Variants in KLF10 observed in about 807,000 individuals in gnomAD.
KLF10 encodes the protein Krueppel-like factor 10.
A neutral mutation model predicts 31.6 loss-of-function variants in KLF10; 17 were observed. That is an observed-to-expected ratio of 0.54 (90% CI 0.37 to 0.81). KLF10 has a LOEUF of 0.81. KLF10 is among the 30% of genes least tolerant of loss of function. The probability of loss-of-function intolerance (pLI) is 0.00; values close to 1 mark genes in which losing one functional copy is unlikely to be tolerated. For synonymous variants in KLF10, 239 were observed against 215.1 expected (o/e 1.11, Z -0.97); for missense variants, 525 against 598.1 (o/e 0.88, Z 1.27).
rs762715494 is a variant in KLF10 at position 102,650,340 on chromosome 8, C to T, written c.1235G>A (p.Arg412His). 2 of 1,614,114 alleles carry T rather than the reference C, an allele frequency of 1.2e-6. No homozygotes were observed. Among genetic ancestry groups the T allele is most frequent in the Non-Finnish European group, 8.5e-7 (1 of 1,180,020 alleles). ...CCTGTGTCTGGACAGTTCATCAGAA[C>T]GGGCAAACCTCCTTTCACAACCTTT... ...SWKGCERRFA[R>H]SDELSRHRRT... Residue 412 changes from arginine (R) to histidine (H), a missense_variant, in exon 4 of 4, where the codon CGT becomes CAT. Physicochemically the swap from Arg to His is conservative, Grantham distance 29. Transcript: ENST00000285407.
At position 102,655,706 on chromosome 8, in the gene KLF10, C is replaced by T. The variant is rs1044607806; in HGVS notation, c.-105G>A. The T allele has an allele frequency of 7.5e-7, 1 of 1,337,438 alleles. No individual in the cohort carries two copies. Among genetic ancestry groups the T allele is most frequent in the African/African-American group, 1.4e-5 (1 of 69,166 alleles). 82.8% of individuals were successfully genotyped at this position (1,337,438 alleles called of 1,614,324 possible). On this transcript the variant is annotated 5_prime_UTR_variant, in exon 1 of 4. Transcript: ENST00000285407. The stretch of plus-strand genomic sequence containing the variant: ...ACACTCGACGCCGCTCCCGCCGCCG[C>T]CGCGCTCAGCGCCGTCTGCCCCCTC...
Position 102,652,409 on chromosome 8 carries a change from A to C in KLF10, c.37-12T>G. The C allele has an allele frequency of 2.7e-6, 4 of 1,502,834 alleles. No individual in the cohort carries two copies. Among genetic ancestry groups the C allele is most frequent in the Non-Finnish European group, 2.7e-6 (3 of 1,100,320 alleles). 93.1% of individuals were successfully genotyped at this position (1,502,834 alleles called of 1,614,324 possible). A position where few individuals can be genotyped will look rare whatever the true frequency, so the allele number is the denominator to read the frequency against. On this transcript the variant is annotated splice_polypyrimidine_tract_variant and intron_variant, in intron 1 of 3. Transcript: ENST00000285407. ...TCCATTCTTTCCTCCTATAAAAACA[A>C]AAGAGGAAAGCTTATAAGCATATTT...
chr8:102,651,295 G>A lies in KLF10; in HGVS notation c.1037C>T (p.Pro346Leu). 6.2e-7 allele frequency: 1 copy of A among 1,607,046 alleles called. No individual in the cohort carries two copies. Among genetic ancestry groups the A allele is most frequent in the Non-Finnish European group, 8.5e-7 (1 of 1,176,704 alleles). ...TGCTGAAGGGGAAAACCCAGGAGCA[G>A]GGGCAATGGGAGAGAGTCTGGTGCC... ...PNGTRLSPIA[P>L]APGFSPSAAK... Residue 346 changes from proline (P) to leucine (L), a missense_variant, in exon 3 of 4, where the codon CCT (proline) becomes CTT (leucine). Around this residue, in one of 3 missense-constraint regions of KLF10, gnomAD observed 434 missense variants for 450.7 expected, o/e 0.96. Coordinates refer to ENST00000285407, the MANE Select transcript of KLF10 (RefSeq NM_005655.4).
chr8:102,655,278 A>C (rs1827337047), intron 1 of KLF10, among the ~76,000 whole-genome samples: 3 of 142,500 alleles, frequency 2.1e-5, no homozygotes, highest in Admixed American at 6.9e-5. Context: ...CCTCCTCACC[A>C]GCCCTCTCGG....
chr8:102,655,438 T>A (rs1276911347), intron 1 of KLF10, 128 bp downstream of exon 1: 2 of 1,224,516 alleles, frequency 1.6e-6, no homozygotes, highest in East Asian at 4.7e-5. Context: ...GCCCTTTCCT[T>A]CCCCACGACT....
intron 1 of KLF10, among the ~76,000 whole-genome samples, chr8:102,655,255 C>A (rs1031795851): frequency 7.9e-5 from 12 of 152,134 alleles, no homozygotes; most frequent in African/African-American, 2.7e-4. Flanking sequence ...ACTCCTCCCC[C>A]GCTCGTCATC....
At position 102,650,344 on chromosome 8, in the gene KLF10, C is replaced by G. The variant is rs2131077614; in HGVS notation, c.1231G>C (p.Ala411Pro). Residue 411 changes from alanine (A) to proline (P), a missense_variant, in exon 4 of 4, where the codon GCC (alanine) becomes CCC (proline). Ala to Pro is a conservative substitution (Grantham distance 27). This residue lies in a region of KLF10 where 49 missense variants were observed against 105.0 expected (regional missense o/e 0.47). Coordinates refer to ENST00000285407, the MANE Select transcript of KLF10 (RefSeq NM_005655.4). ...TGTCTGGACAGTTCATCAGAACGGGCAAACCTCCTTTCACAACCTTTCCAG... is the reference window on the plus strand; with the variant it reads ...TGTCTGGACAGTTCATCAGAACGGGGAAACCTCCTTTCACAACCTTTCCAG... ...CSWKGCERRF[A>P]RSDELSRHRR... is the part of the protein sequence containing the mutation. 6.2e-7 allele frequency: 1 copy of G among 1,614,104 alleles called. No individual in the cohort carries two copies. The highest frequency in any genetic ancestry group is 8.5e-7 in the Non-Finnish European group (1 of 1,180,010).
In KLF10 at chr8:102,649,904, T is replaced by C; in HGVS notation, c.*228A>G. Reference sequence around the variant, plus strand: ...AAAAAATATTCAAAGGAATAAAAGCTTTCTCATCTCTCTTATGTGATAAGA... The same window carrying C: ...AAAAAATATTCAAAGGAATAAAAGCCTTCTCATCTCTCTTATGTGATAAGA... On this transcript the variant is annotated 3_prime_UTR_variant, in exon 4 of 4. Coordinates refer to ENST00000285407, the MANE Select transcript of KLF10 (RefSeq NM_005655.4). 3.5e-6 allele frequency: 2 copies of C among 570,738 alleles called. No individual in the cohort carries two copies. The highest frequency in any genetic ancestry group is 4.6e-5 in the South Asian group (2 of 43,018). The allele number at this position is 570,738 out of a possible 1,614,324, so 35.4% of individuals were successfully genotyped here.
At position 102,654,392 on chromosome 8, in the gene KLF10, C is replaced by G. The variant is rs1417252753; in HGVS notation, c.36+1174G>C. ...TTAGGAACCGACAGCGGGGCCGGGC[C>G]TCGCTCCCGCCCCTGGCGGAGGCCG... On this transcript the variant is annotated intron_variant, in intron 1 of 3. Coordinates refer to ENST00000285407, the MANE Select transcript of KLF10 (RefSeq NM_005655.4). The G allele has an allele frequency of 2.6e-5, 4 of 151,096 alleles. No homozygotes were observed. The East Asian group carries it at 5.9e-4, about 22-fold the overall frequency. 9.4% of individuals were successfully genotyped at this position (151,096 alleles called of 1,614,324 possible).
At chr8:102,654,018 G>A in intron 1 of KLF10, 6 of 982,012 alleles carry the variant, frequency 6.1e-6, no homozygotes, top group Non-Finnish European at 7.3e-6. Flanking sequence ...ACGTCCCCGC[G>A]CCCCTGCCCC....
chr8:102,650,296 T>C lies in KLF10; in HGVS notation c.1279A>G (p.Lys427Glu). The change falls in exon 4 of 4, where the codon AAG (lysine) becomes GAG (glutamate). Residue 427 changes from lysine to glutamate, a missense_variant. Physicochemically the swap from Lys to Glu is moderately conservative, Grantham distance 56. This residue lies in a region of KLF10 where 49 missense variants were observed against 105.0 expected (regional missense o/e 0.47). Transcript: ENST00000285407. ...SRHRRTHTGE[K>E]KFACPMCDRR... ...TCACACATGGGGCACGCAAATTTCT[T>C]CTCACCCGTGTGGGTTCGCCTGTGT... 1 of 1,614,184 alleles carries C rather than the reference T, an allele frequency of 6.2e-7. No individual in the cohort carries two copies. The highest frequency in any genetic ancestry group is 8.5e-7 in the Non-Finnish European group (1 of 1,180,036).
At chr8:102,653,570 ATT>A in intron 1 of KLF10, 1 of 1,439,698 alleles carries the variant, frequency 6.9e-7, no homozygotes, top group Non-Finnish European at 9.1e-7. Context: ...GTTGCAAGGT[ATT>A]ATTCTCAATA....
rs1217329655 is a variant in KLF10 at position 102,649,954 on chromosome 8, T to G, written c.*178A>C. 3 of 665,354 alleles carry G rather than the reference T, an allele frequency of 4.5e-6. No individual in the cohort carries two copies. The highest frequency in any genetic ancestry group is 7.6e-6 in the Non-Finnish European group (3 of 395,452). 41.2% of individuals were successfully genotyped at this position (665,354 alleles called of 1,614,324 possible). ...AAATGAAACCTGCCTTTCTGTGACCTGCCTGTGGCCGAAGCCCTTTTAGTC... is the reference window on the plus strand; with the variant it reads ...AAATGAAACCTGCCTTTCTGTGACCGGCCTGTGGCCGAAGCCCTTTTAGTC... On this transcript the variant is annotated 3_prime_UTR_variant, in exon 4 of 4. Coordinates refer to ENST00000285407, the MANE Select transcript of KLF10 (RefSeq NM_005655.4).
rs770739597 is a variant in KLF10 at position 102,651,131 on chromosome 8, A to T, written c.1183+18T>A. On this transcript the variant is annotated intron_variant, in intron 3 of 3. Coordinates refer to ENST00000285407, the MANE Select transcript of KLF10 (RefSeq NM_005655.4). ...ATCTCTTCATTTAAACACTAAAGAT[A>T]TAAGAAGTGGCTGGTACCTGTGTGC... 1.3e-6 allele frequency: 2 copies of T among 1,494,414 alleles called. No individual in the cohort carries two copies. The highest frequency in any genetic ancestry group is 2.3e-5 in the East Asian group (1 of 43,078). 92.6% of individuals were successfully genotyped at this position (1,494,414 alleles called of 1,614,324 possible).
At chr8:102,654,085 C>A (rs2131083993) in intron 1 of KLF10, 1 of 538,860 alleles carries the variant, frequency 1.9e-6, no homozygotes, top group Non-Finnish European at 2.4e-6. Flanking sequence ...CGGCCCGGGG[C>A]GGGGGCGTGG....
rs563985099 is a variant in KLF10, at chr8:102,652,556, A to G, written c.37-159T>C. ...TTCCTCTCACACTTACTATGATACTAAGGAAGTTCAGCTACACTTGTTAGG... is the reference window on the plus strand; with the variant it reads ...TTCCTCTCACACTTACTATGATACTGAGGAAGTTCAGCTACACTTGTTAGG... On this transcript the variant is annotated intron_variant, in intron 1 of 3. Transcript: ENST00000285407. Among the ~76,000 whole-genome samples the G allele has an allele frequency of 1.1e-3, 159 of 151,232 alleles. 1 individual carries two copies. The highest frequency in any genetic ancestry group is 3.6e-3 in the African/African-American group (150 of 41,142).
chr8:102,651,100 G>A, intron 3 of KLF10, 49 bp downstream of exon 3: 3 of 1,460,400 alleles, frequency 2.1e-6, no homozygotes, highest in Non-Finnish European at 2.7e-6. Flanking sequence ...TGTGATCACA[G>A]CCAAAATCTC....
intron 1 of KLF10, chr8:102,653,553 TC>T: frequency 6.7e-7 from 1 of 1,483,316 alleles, no homozygotes; most frequent in Non-Finnish European, 8.9e-7. Context: ...CAAAAAACAT[TC>T]TTTACGTTGC....
chr8:102,651,104 A>G lies in KLF10; in HGVS notation c.1183+45T>C, dbSNP rs948731909. On this transcript the variant is annotated intron_variant, in intron 3 of 3. Coordinates refer to ENST00000285407, the MANE Select transcript of KLF10 (RefSeq NM_005655.4). ...GGGTTTAAATGTGTGATCACAGCCA[A>G]AATCTCTTCATTTAAACACTAAAGA... 5.5e-6 allele frequency: 8 copies of G among 1,467,378 alleles called. No homozygotes were observed. In the African/African-American group the frequency reaches 8.5e-5, roughly 16 times the overall value. The allele number at this position is 1,467,378 out of a possible 1,614,324, so 90.9% of individuals were successfully genotyped here.
Sources: gnomAD v4.1 joint callset for allele counts (sites outside exome capture counted in the v4.1 genomes callset) on GRCh38, gnomAD v4.1.1 for gene constraint, gnomAD v4.1.1 regional missense constraint, MANE v1.5 for transcripts, NCBI Gene and HGNC (gene_info 2026-07-23, HGNC 2026-07-21) for gene names.